The following ITGAE variants were observed in gnomAD, a reference collection of about 807,000 sequenced individuals.
ITGAE encodes integrin alpha-E.
A neutral mutation model predicts 136.5 loss-of-function variants in ITGAE; 99 were observed. The ratio of observed to expected loss-of-function variants is 0.73; its 90% CI spans 0.62 to 0.86. ITGAE has a LOEUF of 0.86. Among genes scored for constraint, ITGAE ranks in the 40% least tolerant of loss-of-function variants. The pLI is 0.00. For synonymous variants in ITGAE, 613 were observed against 591.8 expected (o/e 1.04, Z -0.52); for missense variants, 1,447 against 1,515.3 (o/e 0.95, Z 0.75).
intron 26 of ITGAE, chr17:3,725,306 A>G (rs2051183821): frequency 6.2e-7 from 1 of 1,614,232 alleles, no homozygotes; most frequent in Non-Finnish European, 8.5e-7. Context: ...ACAAAAAGGC[A>G]TCTGATGCTG....
At chr17:3,782,340 AGTGTGTGTGTGTGT>A (rs151134975) in intron 1 of ITGAE, among the ~76,000 whole-genome samples, 7 of 109,596 alleles carry the variant, frequency 6.4e-5, no homozygotes, top group Admixed American at 1.0e-4. Context: ...TTAAATCTCT[AGTGTGTGTGTGTGT>A]GTGTGTGTGT....
chr17:3,778,303 C>T (rs2052590584), intron 1 of ITGAE, among the ~76,000 whole-genome samples: 1 of 152,228 alleles, frequency 6.6e-6, no homozygotes. Flanking sequence ...TGGCTCATGC[C>T]TGTAATCCCA....
At chr17:3,741,931 G>C (rs2051597940) in intron 19 of ITGAE, among the ~76,000 whole-genome samples, 1 of 152,124 alleles carries the variant, frequency 6.6e-6, no homozygotes, top group African/African-American at 2.4e-5. Context: ...ACAAAAATTA[G>C]CCGAGCATGG....
intron 20 of ITGAE, 75 bp from the exon 21 acceptor site, chr17:3,735,024 C>A: frequency 6.5e-7 from 1 of 1,540,378 alleles, no homozygotes; most frequent in Non-Finnish European, 8.9e-7. Flanking sequence ...ATAGGACATT[C>A]ACCGAGGCTA....
chr17:3,764,961 A>C (rs939506351), intron 2 of ITGAE, among the ~76,000 whole-genome samples: 6 of 152,174 alleles, frequency 3.9e-5, no homozygotes, highest in Admixed American at 3.9e-4. Flanking sequence ...CTTGGTGGTT[A>C]ACAGTGAACC....
intron 26 of ITGAE, chr17:3,724,881 G>C (rs768613393): frequency 6.2e-7 from 1 of 1,613,556 alleles, no homozygotes; most frequent in South Asian, 1.1e-5. Flanking sequence ...GCATCAGGAG[G>C]CCAGTGTTCC....
At chr17:3,727,228 T>A (rs142248402) in intron 26 of ITGAE, among the ~76,000 whole-genome samples, 70 of 152,164 alleles carry the variant, frequency 4.6e-4, no homozygotes, top group South Asian at 2.7e-3. Context: ...GCAAAGAGGC[T>A]GAGGCAAAGC....
At chr17:3,764,607 G>C (rs940723542) in intron 2 of ITGAE, among the ~76,000 whole-genome samples, 1 of 152,176 alleles carries the variant, frequency 6.6e-6, no homozygotes, top group East Asian at 1.9e-4. Flanking sequence ...TGAGGCAGGA[G>C]AATTGCTTGA....
chr17:3,794,064 C>T (rs1347004997), intron 1 of ITGAE, among the ~76,000 whole-genome samples: 2 of 150,700 alleles, frequency 1.3e-5, no homozygotes, highest in Admixed American at 6.6e-5. Context: ...TTGCAACCTC[C>T]GCCTCCTGGG....
intron 28 of ITGAE, chr17:3,721,847 A>C (rs2051057631): frequency 1.3e-5 from 2 of 151,770 alleles, no homozygotes; most frequent in Non-Finnish European, 2.9e-5. Context: ...GGAGTTCAAG[A>C]CCAGCCTGAC....
At chr17:3,766,128 G>T (rs546605377) in intron 2 of ITGAE, among the ~76,000 whole-genome samples, 5 of 152,272 alleles carry the variant, frequency 3.3e-5, no homozygotes, top group South Asian at 2.1e-4. Context: ...GAAAACGGTG[G>T]CATGGGCGAG....
chr17:3,785,963 C>T (rs895993789), intron 1 of ITGAE, among the ~76,000 whole-genome samples: 4 of 151,694 alleles, frequency 2.6e-5, no homozygotes, highest in Non-Finnish European at 2.9e-5. Context: ...GCCAGGAGAT[C>T]GAGACCGTCC....
At chr17:3,728,313 C>T in intron 24 of ITGAE, 145 bp from the exon 25 acceptor site, 1 of 683,260 alleles carries the variant, frequency 1.5e-6, no homozygotes, top group East Asian at 2.6e-5. Context: ...AAGTGATCCT[C>T]CACCTCAGCC....
chr17:3,789,642 A>T (rs1335301178), intron 1 of ITGAE, among the ~76,000 whole-genome samples: 1 of 152,066 alleles, frequency 6.6e-6, no homozygotes. Flanking sequence ...CTGGGATTGC[A>T]GGCATGTGCC....
intron 20 of ITGAE, among the ~76,000 whole-genome samples, chr17:3,737,254 C>G (rs2051479586): frequency 6.6e-6 from 1 of 152,170 alleles, no homozygotes; most frequent in Non-Finnish European, 1.5e-5. Context: ...GATCGCGCCA[C>G]TGCACTCCTG....
In ITGAE at chr17:3,801,106, C is replaced by T. The variant is rs2053249566; in HGVS notation, c.34+5G>A. On this transcript the variant is annotated splice_donor_5th_base_variant and intron_variant, in intron 1 of 30. Coordinates refer to ENST00000263087, the MANE Select transcript of ITGAE (RefSeq NM_002208.5). The stretch of plus-strand genomic sequence containing the variant: ...CCCCTCGAAGCAGCGGGTGAGAGGA[C>T]TTACTGGCTATGCAGAGCAGAGTGT... 15 of 1,613,030 alleles carry T rather than the reference C, an allele frequency of 9.3e-6. No homozygotes were observed. Among genetic ancestry groups the T allele is most frequent in the Non-Finnish European group, 1.2e-5 (14 of 1,180,010 alleles).
chr17:3,795,305 A>G (rs1158696091), intron 1 of ITGAE, among the ~76,000 whole-genome samples: 1 of 152,234 alleles, frequency 6.6e-6, no homozygotes, highest in African/African-American at 2.4e-5. Flanking sequence ...AGCCCAGCTC[A>G]GCGCAGGGCC....
rs774526973 is a variant in ITGAE at position 3,751,746 on chromosome 17, G to A, written c.1797C>T (p.Ala599=). The A allele has an allele frequency of 1.3e-5, 21 of 1,614,032 alleles. No individual in the cohort carries two copies. The highest frequency in any genetic ancestry group is 1.8e-5 in the Non-Finnish European group (21 of 1,179,968). The change falls in exon 15 of 31, where the codon GCC becomes GCT. Residue 599 remains alanine, a synonymous_variant. Coordinates refer to ENST00000263087, the MANE Select transcript of ITGAE (RefSeq NM_002208.5). ...QDKLTDVAIG[A]PLEGFGADDG... is the part of the protein sequence containing the mutation. ...CATCTGCCCCAAAACCTTCCAGGGG[G>A]GCCCCGATGGCCACATCTGTGAGCT... is the stretch of plus-strand genomic sequence containing the variant.
chr17:3,726,718 C>T (rs993168929), intron 26 of ITGAE: 5 of 147,540 alleles, frequency 3.4e-5, no homozygotes, highest in Non-Finnish European at 5.5e-5. Flanking sequence ...TTTATAAACC[C>T]TCTTTTTTTT....
Sources: gnomAD v4.1 joint callset for allele counts (sites outside exome capture counted in the v4.1 genomes callset) on GRCh38, gnomAD v4.1.1 for gene constraint, MANE v1.5 for transcripts, NCBI Gene and HGNC (gene_info 2026-07-23, HGNC 2026-07-21) for gene names.